CPA6: variants seen among roughly 807,000 people sequenced by gnomAD.
CPA6 encodes the protein carboxypeptidase A6, also known as carboxypeptidase B.
A neutral mutation model predicts 63.3 loss-of-function variants in CPA6; 58 were observed. That is an observed-to-expected ratio of 0.92 (90% CI 0.74 to 1.14). The LOEUF (loss-of-function observed/expected upper bound fraction) is 1.14, where lower values mean the gene tolerates loss of function less well. Ranked by LOEUF, CPA6 falls within the 50% of genes most tolerant of loss-of-function variation. The pLI is 0.00. For missense variants in CPA6, 565 were observed against 526.6 expected, an observed-to-expected ratio of 1.07 and a Z score of -0.71; for synonymous variants, 185 against 179.0, an observed-to-expected ratio of 1.03 and a Z score of -0.27.
At chr8:67,458,050 T>C (rs1810715709) in intron 8 of CPA6, among the ~76,000 whole-genome samples, 1 of 152,024 alleles carries the variant, frequency 6.6e-6, no homozygotes. Context: ...AACATCCACA[T>C]ACAAAAAAGT....
At chr8:67,461,774 G>A (rs1421379861) in intron 8 of CPA6, among the ~76,000 whole-genome samples, 4 of 151,930 alleles carry the variant, frequency 2.6e-5, no homozygotes, top group South Asian at 2.1e-4. Context: ...GCCGGGCAGA[G>A]GCGCCCCTCA....
chr8:67,691,621 C>T (rs193119765), intron 1 of CPA6, among the ~76,000 whole-genome samples: 1 of 152,196 alleles, frequency 6.6e-6, no homozygotes, highest in African/African-American at 2.4e-5. Flanking sequence ...TTTTAATGCT[C>T]CTCATATATT....
chr8:67,602,911 C>A (rs891754810), intron 2 of CPA6, among the ~76,000 whole-genome samples: 3 of 152,120 alleles, frequency 2.0e-5, no homozygotes, highest in African/African-American at 7.2e-5. Context: ...TAATTTGGAA[C>A]CCCTTGATAG....
At chr8:67,519,671 A>G (rs574894805) in intron 2 of CPA6, among the ~76,000 whole-genome samples, 2 of 152,344 alleles carry the variant, frequency 1.3e-5, no homozygotes, top group Admixed American at 1.3e-4. Flanking sequence ...TGCCAGTCCA[A>G]CAATCAGCGC....
intron 2 of CPA6, among the ~76,000 whole-genome samples, chr8:67,560,160 GAT>G (rs6150633): frequency 1.6e-4 from 22 of 139,880 alleles, no homozygotes; most frequent in Admixed American, 5.0e-4. Context: ...TGTATTTCCG[GAT>G]ATATATATAT....
intron 8 of CPA6, among the ~76,000 whole-genome samples, chr8:67,478,240 G>T (rs908133356): frequency 6.6e-6 from 1 of 152,186 alleles, no homozygotes; most frequent in Non-Finnish European, 1.5e-5. Flanking sequence ...GTTCATGGAG[G>T]GTGGTGCCCA....
intron 1 of CPA6, among the ~76,000 whole-genome samples, chr8:67,729,621 G>T (rs1319554134): frequency 2.6e-5 from 4 of 152,226 alleles, no homozygotes; most frequent in Non-Finnish European, 5.9e-5. Flanking sequence ...GAGTGCTCAG[G>T]AGGAAGTTAA....
At chr8:67,617,846 C>T (rs1297604218) in intron 2 of CPA6, among the ~76,000 whole-genome samples, 1 of 152,186 alleles carries the variant, frequency 6.6e-6, no homozygotes. Flanking sequence ...CCCCCATTTT[C>T]CTTTTAGTAG....
intron 6 of CPA6, among the ~76,000 whole-genome samples, chr8:67,496,292 T>C (rs1458426319): frequency 1.3e-5 from 2 of 152,096 alleles, no homozygotes; most frequent in South Asian, 2.1e-4. Context: ...TACACTTCTG[T>C]TGATGCCCAT....
At chr8:67,611,062 C>A (rs1814793754) in intron 2 of CPA6, among the ~76,000 whole-genome samples, 1 of 148,778 alleles carries the variant, frequency 6.7e-6, no homozygotes, top group Non-Finnish European at 1.5e-5. Context: ...ATAACATCTA[C>A]CATGGCCATG....
At chr8:67,623,176 C>T (rs906824299) in intron 2 of CPA6, among the ~76,000 whole-genome samples, 1 of 152,074 alleles carries the variant, frequency 6.6e-6, no homozygotes, top group African/African-American at 2.4e-5. Flanking sequence ...GAGGAAAGTG[C>T]CTAGATGATC....
At chr8:67,707,628 G>C (rs907726525) in intron 1 of CPA6, among the ~76,000 whole-genome samples, 1 of 152,154 alleles carries the variant, frequency 6.6e-6, no homozygotes, top group Non-Finnish European at 1.5e-5. Context: ...CAAACTTAAG[G>C]CTGGGTGTGG....
chr8:67,628,608 A>G (rs1441145701), intron 1 of CPA6, among the ~76,000 whole-genome samples: 1 of 152,240 alleles, frequency 6.6e-6, no homozygotes, highest in African/African-American at 2.4e-5. Context: ...ATACACGTAC[A>G]CGCAGTGTTT....
chr8:67,565,166 CTTTCTTTTT>C (rs1199773613), intron 2 of CPA6, among the ~76,000 whole-genome samples: 13 of 115,736 alleles, frequency 1.1e-4, no homozygotes, highest in African/African-American at 3.1e-4. Flanking sequence ...TTTTCTTTTT[CTTTCTTTTT>C]TTTTTTTGTT....
At chr8:67,735,540 T>G (rs1328025970) in intron 1 of CPA6, 1 of 152,218 alleles carries the variant, frequency 6.6e-6, no homozygotes, top group African/African-American at 2.4e-5. Flanking sequence ...TTGTCAATTT[T>G]GTGACAGGAT....
intron 2 of CPA6, among the ~76,000 whole-genome samples, chr8:67,522,831 TGGGATCCAGGCTG>T (rs1216008948): frequency 6.6e-6 from 1 of 152,280 alleles, no homozygotes; most frequent in East Asian, 1.9e-4. Context: ...TGGGCAGGCG[TGGGATCCAGGCTG>T]GGGCACAAGC....
At chr8:67,484,826 T>C in intron 6 of CPA6, 37 bp from the exon 7 acceptor site, 1 of 1,204,652 alleles carries the variant, frequency 8.3e-7, no homozygotes, top group Non-Finnish European at 1.2e-6. Context: ...TTTAAATTGG[T>C]CCCCAAAAGA....
At chr8:67,700,789 GA>G (rs1202639328) in intron 1 of CPA6, among the ~76,000 whole-genome samples, 6 of 152,076 alleles carry the variant, frequency 3.9e-5, no homozygotes, top group Admixed American at 1.3e-4. Context: ...TAGGAGGGAA[GA>G]AAAATATCCC....
intron 8 of CPA6, among the ~76,000 whole-genome samples, chr8:67,464,166 C>G (rs1434755854): frequency 6.6e-6 from 1 of 152,118 alleles, no homozygotes; most frequent in Non-Finnish European, 1.5e-5. Flanking sequence ...TGCAGCCTTG[C>G]CAGCATCTGT....
Sources: allele counts gnomAD v4.1 joint callset (sites outside exome capture counted in the v4.1 genomes callset), GRCh38; gene constraint gnomAD v4.1.1; transcripts MANE v1.5; gene names NCBI Gene and HGNC (gene_info 2026-07-23, HGNC 2026-07-21).